The following DNAH12 variants were observed in gnomAD, a reference collection of about 807,000 sequenced individuals.
DNAH12 encodes the protein axonemal beta dynein heavy chain 12.
Under a neutral mutation model 371.5 loss-of-function variants are expected in DNAH12, and 285 were observed. That is an observed-to-expected ratio of 0.77 (90% confidence interval 0.70 to 0.85). DNAH12 has a LOEUF of 0.85. Among genes scored for constraint, DNAH12 ranks in the 40% least tolerant of loss-of-function variants. The pLI, the probability that DNAH12 is intolerant of heterozygous loss-of-function variation, is 0.00. For synonymous variants in DNAH12, 1,200 were observed against 1,213.0 expected (o/e 0.99, Z 0.22); for missense variants, 3,611 against 3,689.4 (o/e 0.98, Z 0.55).
chr3:57,520,234 C>A (rs2068368037), intron 4 of DNAH12, among the ~76,000 whole-genome samples: 1 of 151,742 alleles, frequency 6.6e-6, no homozygotes, highest in African/African-American at 2.4e-5. Context: ...GCCTCAGCAC[C>A]CCTAGTAGCT....
intron 6 of DNAH12, 123 bp from the exon 7 acceptor site, chr3:57,508,663 T>TGGGAGAA (rs1279912795): frequency 8.0e-6 from 9 of 1,119,624 alleles, no homozygotes; most frequent in Non-Finnish European, 7.4e-6. Flanking sequence ...AAGAGGGAGC[T>TGGGAGAA]GTGGTCAGCA....
chr3:57,526,015 G>A (rs763320841), intron 2 of DNAH12, among the ~76,000 whole-genome samples: 45 of 151,660 alleles, frequency 3.0e-4, no homozygotes, highest in Admixed American at 6.6e-4. Context: ...CACCTGCCTC[G>A]GCCTCCCAAA....
At chr3:57,396,290 CAAAAAAAAAAAAAA>C (rs1159748997) in intron 43 of DNAH12, among the ~76,000 whole-genome samples, 2 of 68,756 alleles carry the variant, frequency 2.9e-5, no homozygotes, top group African/African-American at 1.3e-4. Flanking sequence ...AAAAAAAAAA[CAAAAAAAAAAAAAA>C]AAAAAAGAGA....
intron 26 of DNAH12, 39 bp from the exon 27 acceptor site, chr3:57,446,309 GA>G: frequency 6.5e-7 from 1 of 1,532,984 alleles, no homozygotes; most frequent in Non-Finnish European, 8.8e-7. Context: ...TTTTTCTCAG[GA>G]AAGGATATCA....
chr3:57,547,102 T>C (rs1296463499), upstream of DNAH12, among the ~76,000 whole-genome samples: 2 of 152,156 alleles, frequency 1.3e-5, no homozygotes, highest in Non-Finnish European at 2.9e-5. Context: ...TCCTGACAGA[T>C]AGTCTGCCCT....
intron 12 of DNAH12, among the ~76,000 whole-genome samples, chr3:57,485,546 C>T (rs9874762): frequency 0.66 from 98,234 of 149,198 alleles, 32,180 homozygotes; most frequent in South Asian, 0.75. Context: ...GGATTACAGG[C>T]GCGTGCCACC....
chr3:57,486,087 C>T (rs2153384455), intron 12 of DNAH12, among the ~76,000 whole-genome samples: 1 of 151,258 alleles, frequency 6.6e-6, no homozygotes, highest in East Asian at 2.0e-4. Context: ...GGCATGGTGG[C>T]ACATGCCTGC....
chr3:57,470,153 G>A (rs2066325176), intron 16 of DNAH12, among the ~76,000 whole-genome samples: 1 of 151,884 alleles, frequency 6.6e-6, no homozygotes, highest in Non-Finnish European at 1.5e-5. Flanking sequence ...CATGTCAGAA[G>A]GGTAATGTGC....
In DNAH12 at chr3:57,436,976, A is replaced by T. The variant is rs1313659196; in HGVS notation, c.4630T>A (p.Tyr1544Asn). ...CCATGTCTAACAATCATCATTTCAT[A>T]TGTTTGAATTATTTTTTCAAGAAAA... is the stretch of plus-strand genomic sequence containing the variant. Reference protein sequence around the residue: ...KFFLEKIIQTYEMMIVRHGFM... With the variant: ...KFFLEKIIQTNEMMIVRHGFM... Residue 1544 changes from tyrosine to asparagine, a missense_variant, in exon 30 of 74, where the codon TAT (tyrosine) becomes AAT (asparagine). Tyr to Asn is a moderately radical substitution (Grantham distance 143). Around this residue, in one of 3 missense-constraint regions of DNAH12, gnomAD observed 2,266 missense variants for 2,236.9 expected, o/e 1.01. Coordinates refer to ENST00000495027, the MANE Select transcript of DNAH12 (RefSeq NM_001366028.2). The T allele has an allele frequency of 6.6e-7, 1 of 1,507,618 alleles. No individual in the cohort carries two copies. Among genetic ancestry groups the T allele is most frequent in the African/African-American group, 1.4e-5 (1 of 70,394 alleles). The allele number at this position is 1,507,618 out of a possible 1,614,324, so 93.4% of individuals were successfully genotyped here.
chr3:57,538,747 T>C (rs910951939), intron 2 of DNAH12, among the ~76,000 whole-genome samples: 3 of 152,222 alleles, frequency 2.0e-5, no homozygotes, highest in African/African-American at 7.2e-5. Flanking sequence ...TGCCTAACTC[T>C]CACTCTCGCT....
chr3:57,352,110 A>G lies in DNAH12; in HGVS notation c.9649T>C (p.Phe3217Leu), dbSNP rs2062689559. 1 of 1,525,564 alleles carries G rather than the reference A, an allele frequency of 6.6e-7. No homozygotes were observed. The highest frequency in any genetic ancestry group is 8.8e-7 in the Non-Finnish European group (1 of 1,140,502). 94.5% of individuals were successfully genotyped at this position (1,525,564 alleles called of 1,614,324 possible). Reference sequence around the variant, plus strand: ...AGAAGAAGATTGGCACATAATAAAAAGGAAAATAACAGCTTGTCCTTCTCA... The same window carrying G: ...AGAAGAAGATTGGCACATAATAAAAGGGAAAATAACAGCTTGTCCTTCTCA... Reference protein sequence around the residue: ...LFEKDKLLFSFLLCANLLLAR... With the variant: ...LFEKDKLLFSLLLCANLLLAR... The change falls in exon 60 of 74, where the codon TTT becomes CTT. Residue 3217 changes from phenylalanine (F) to leucine (L), a missense_variant. Phe to Leu is a conservative substitution (Grantham distance 22). Coordinates refer to ENST00000495027, the MANE Select transcript of DNAH12 (RefSeq NM_001366028.2).
At chr3:57,550,803 T>A in the DNAH12 span, among the ~76,000 whole-genome samples, 17 of 152,006 alleles carry the variant, frequency 1.1e-4, no homozygotes, top group African/African-American at 4.1e-4. Flanking sequence ...ATATTTATTC[T>A]AAGACAATCT....
intron 11 of DNAH12, among the ~76,000 whole-genome samples, chr3:57,494,460 G>C (rs2067239570): frequency 6.6e-6 from 1 of 152,058 alleles, no homozygotes; most frequent in African/African-American, 2.4e-5. Context: ...TAATTGGGAG[G>C]CTAAGGTGGG....
intron 70 of DNAH12, among the ~76,000 whole-genome samples, chr3:57,300,330 G>A (rs554727760): frequency 3.9e-5 from 6 of 152,240 alleles, no homozygotes; most frequent in East Asian, 3.9e-4. Flanking sequence ...CCATTAGGAG[G>A]TAAAGAAGAG....
Position 57,502,266 on chromosome 3 carries a change from A to C in DNAH12, c.1243+57T>G, listed in dbSNP as rs1273212413. ...CCCAGACAAACAAACATCTGACCAAATTCTAGCACAAATAAAGTGATGACA... is the reference window on the plus strand; with the variant it reads ...CCCAGACAAACAAACATCTGACCAACTTCTAGCACAAATAAAGTGATGACA... On this transcript the variant is annotated intron_variant, in intron 10 of 73. Coordinates refer to ENST00000495027, the MANE Select transcript of DNAH12 (RefSeq NM_001366028.2). 3.1e-6 allele frequency: 5 copies of C among 1,597,176 alleles called. No homozygotes were observed. In the African/African-American group the frequency reaches 4.0e-5, roughly 13 times the overall value.
At chr3:57,525,321 A>G (rs2068605998) in intron 2 of DNAH12, among the ~76,000 whole-genome samples, 1 of 152,310 alleles carries the variant, frequency 6.6e-6, no homozygotes, top group Non-Finnish European at 1.5e-5. Flanking sequence ...CTCAATAAGC[A>G]TCTGGTGAAT....
At chr3:57,306,138 C>T (rs987867435) in intron 69 of DNAH12, among the ~76,000 whole-genome samples, 2 of 152,262 alleles carry the variant, frequency 1.3e-5, no homozygotes, top group Non-Finnish European at 2.9e-5. Flanking sequence ...AGATCTTCTC[C>T]GCTTAGCGGC....
In DNAH12 at chr3:57,470,656, T is replaced by G; in HGVS notation, c.1912-20A>C. ...CACATACTGAAAGTAAATAAGTTTT[T>G]TGTCTTAAAAAAAATTCAAGTAATG... On this transcript the variant is annotated intron_variant, in intron 15 of 73. Coordinates refer to ENST00000495027, the MANE Select transcript of DNAH12 (RefSeq NM_001366028.2). 6.6e-7 allele frequency: 1 copy of G among 1,508,174 alleles called. No homozygotes were observed. The allele number at this position is 1,508,174 out of a possible 1,614,324, so 93.4% of individuals were successfully genotyped here.
Position 57,361,444 on chromosome 3 carries a change from C to CACTATATATATATATATATA in DNAH12, c.9360+2149_9360+2150insTATATATATATATATATAGT, listed in dbSNP as rs1409626573. Among the ~76,000 whole-genome samples, 76 of 116,654 alleles carry CACTATATATATATATATATA rather than the reference C, an allele frequency of 6.5e-4. 4 individuals are homozygous for CACTATATATATATATATATA. The highest frequency in any genetic ancestry group is 2.7e-3 in the African/African-American group (65 of 23,698). 76.5% of individuals were successfully genotyped at this position (116,654 alleles called of 152,430 possible). A position where few individuals can be genotyped will look rare whatever the true frequency, so the allele number is the denominator to read the frequency against. On this transcript the variant is annotated intron_variant, in intron 58 of 73. Transcript: ENST00000495027. ...CACTATATATATATACACACACACA[C>CACTATATATATATATATATA]TATATATATATATATATATATATAT...
Sources: allele counts gnomAD v4.1 joint callset (sites outside exome capture counted in the v4.1 genomes callset), GRCh38; gene constraint gnomAD v4.1.1; regional missense constraint gnomAD v4.1.1; transcripts MANE v1.5; gene names NCBI Gene and HGNC (gene_info 2026-07-23, HGNC 2026-07-21).